Variants in KMO observed in about 807,000 individuals in gnomAD.
The protein encoded by KMO is kynurenine 3-hydroxylase.
A neutral mutation model predicts 57.8 loss-of-function variants in KMO; 24 were observed. The ratio of observed to expected loss-of-function variants is 0.42; its 90% CI spans 0.30 to 0.58. The LOEUF (loss-of-function observed/expected upper bound fraction) is 0.58. Ranked by LOEUF, KMO falls within the 20% of genes least tolerant of loss-of-function variation. The pLI, the probability that KMO is intolerant of heterozygous loss-of-function variation, is 0.22. For missense variants in KMO, 483 were observed against 588.2 expected, an observed-to-expected ratio of 0.82 and a Z score of 1.85; for synonymous variants, 210 against 193.6, an observed-to-expected ratio of 1.08 and a Z score of -0.70.
chr1:241,550,236 AAT>A (rs1209541871), intron 3 of KMO: 1 of 153,376 alleles, frequency 6.5e-6, no homozygotes, highest in Non-Finnish European at 1.5e-5. Flanking sequence ...ATTTAGCATA[AAT>A]ATGTTTTGCT....
At chr1:241,548,804 T>G (rs377396383) in intron 1 of KMO, 25 bp from the exon 2 acceptor site, 45 of 1,427,798 alleles carry the variant, frequency 3.2e-5, no homozygotes, top group Non-Finnish European at 4.1e-5. Flanking sequence ...ATCAGATAAA[T>G]ATTTAATTTT....
At chr1:241,554,835 A>T (rs1661551536) in intron 4 of KMO, among the ~76,000 whole-genome samples, 1 of 141,390 alleles carries the variant, frequency 7.1e-6, no homozygotes, top group Admixed American at 7.0e-5. Context: ...AAAAAAAATT[A>T]GCTGAGTGTG....
Position 241,594,218 on chromosome 1 carries a change from C to G in KMO, c.*2065C>G. On this transcript the variant is annotated 3_prime_UTR_variant, in exon 15 of 15. Transcript: ENST00000366559. ...CATCGTGTGCCACAAGTGGTTTTTT[C>G]ATTATGTAAAGCACCCGTTGAATTA... The G allele has an allele frequency of 2.2e-6, 1 of 462,908 alleles. No individual in the cohort carries two copies. The allele number at this position is 462,908 out of a possible 1,614,324, so 28.7% of individuals were successfully genotyped here.
chr1:241,533,050 A>G (rs1660630891), intron 1 of KMO, among the ~76,000 whole-genome samples: 1 of 152,242 alleles, frequency 6.6e-6, no homozygotes, highest in Admixed American at 6.5e-5. Flanking sequence ...CACCTAAGAC[A>G]GTGGAGTGAG....
At chr1:241,532,521 C>T in intron 1 of KMO, 23 bp downstream of exon 1, 1 of 1,562,894 alleles carries the variant, frequency 6.4e-7, no homozygotes, top group Non-Finnish European at 8.8e-7. Context: ...AGATGGATTA[C>T]TATTGTTGGT....
chr1:241,534,263 G>T (rs1660678400), intron 1 of KMO, among the ~76,000 whole-genome samples: 2 of 152,182 alleles, frequency 1.3e-5, no homozygotes, highest in Non-Finnish European at 2.9e-5. Flanking sequence ...TTGGACTAAG[G>T]TGGCAGCAGT....
intron 11 of KMO, among the ~76,000 whole-genome samples, chr1:241,587,624 A>G (rs1053920341): frequency 6.6e-6 from 1 of 152,032 alleles, no homozygotes; most frequent in Non-Finnish European, 1.5e-5. Flanking sequence ...TTGTATTTTT[A>G]GTAGAGACGG....
chr1:241,559,042 G>C (rs1176597532), intron 5 of KMO, among the ~76,000 whole-genome samples: 1 of 151,666 alleles, frequency 6.6e-6, no homozygotes, highest in African/African-American at 2.4e-5. Flanking sequence ...GGAGGCTGCA[G>C]TGAGCTGAGA....
At chr1:241,563,045 A>G (rs1661937041) in intron 7 of KMO, among the ~76,000 whole-genome samples, 1 of 152,208 alleles carries the variant, frequency 6.6e-6, no homozygotes, top group South Asian at 2.1e-4. Flanking sequence ...GGGAGAAAAA[A>G]ACAGGTTGAT....
chr1:241,551,965 G>A (rs12083705), intron 4 of KMO, among the ~76,000 whole-genome samples: 17,769 of 151,928 alleles, frequency 0.12, 1,450 homozygotes, highest in African/African-American at 0.24. Context: ...TGAAATCAAC[G>A]TAATCGTCTC....
At chr1:241,579,968 G>A (rs144633806) in intron 10 of KMO, among the ~76,000 whole-genome samples, 126 of 152,266 alleles carry the variant, frequency 8.3e-4, no homozygotes, top group African/African-American at 2.9e-3. Context: ...TCTTCCAGCT[G>A]CTGCTCCTGC....
intron 10 of KMO, among the ~76,000 whole-genome samples, chr1:241,573,029 C>G (rs1662362533): frequency 6.6e-6 from 1 of 152,110 alleles, no homozygotes; most frequent in Non-Finnish European, 1.5e-5. Flanking sequence ...TCTTTATGCA[C>G]TCATTGGTCA....
chr1:241,540,786 G>A (rs1355826265), intron 1 of KMO, among the ~76,000 whole-genome samples: 1 of 152,142 alleles, frequency 6.6e-6, no homozygotes, highest in East Asian at 1.9e-4. Context: ...ATTAGTGATT[G>A]GGCATGATGG....
At chr1:241,572,249 G>A (rs1490765335) in intron 10 of KMO, among the ~76,000 whole-genome samples, 1 of 152,022 alleles carries the variant, frequency 6.6e-6, no homozygotes, top group East Asian at 1.9e-4. Context: ...GAAACTTTTT[G>A]TTACTGCTTC....
At chr1:241,591,768 G>A (rs1023938354) in intron 14 of KMO, among the ~76,000 whole-genome samples, 185 bp from the exon 15 acceptor site, 1 of 152,124 alleles carries the variant, frequency 6.6e-6, no homozygotes, top group African/African-American at 2.4e-5. Flanking sequence ...GGAGAAGGGA[G>A]GCTCCCAATC....
In KMO at chr1:241,542,021, A is replaced by G. The variant is rs569226347; in HGVS notation, c.55-6808A>G. ...ATCAGATTAATTTCAAATATATTAT[A>G]TCAAAAGACATAAAATGTACGGAAT... On this transcript the variant is annotated intron_variant, in intron 1 of 14. Transcript: ENST00000366559. 2.0e-4 allele frequency among the ~76,000 whole-genome samples: 30 copies of G among 152,348 alleles called. 1 individual carries two copies. In the South Asian group the frequency reaches 6.0e-3, roughly 30 times the overall value.
chr1:241,547,577 C>CT (rs1661195827), intron 1 of KMO, among the ~76,000 whole-genome samples: 5 of 148,190 alleles, frequency 3.4e-5, no homozygotes. Context: ...GAGCGAGACT[C>CT]TGTCTCAAAA....
chr1:241,568,959 C>T (rs555339193), intron 10 of KMO, among the ~76,000 whole-genome samples: 5 of 152,164 alleles, frequency 3.3e-5, no homozygotes, highest in Admixed American at 2.0e-4. Flanking sequence ...TGTAAAATGG[C>T]ATAGTTTTTG....
chr1:241,566,560 G>A lies in KMO; in HGVS notation c.757G>A (p.Val253Met), dbSNP rs752723497. The change falls in exon 9 of 15, where the codon GTG (valine) becomes ATG (methionine). Residue 253 changes from valine (V) to methionine (M), a missense_variant. Around this residue, in one of 3 missense-constraint regions of KMO, gnomAD observed 410 missense variants for 492.3 expected, o/e 0.83. Transcript: ENST00000366559. ...TGAAAAACTTCTAACCAGTAATGAT[G>A]TGGTAGATTTCTTCCAGAAATACTT... is the stretch of plus-strand genomic sequence containing the variant. ...EFEKLLTSND[V>M]VDFFQKYFPD... 9.8e-5 allele frequency: 158 copies of A among 1,613,360 alleles called. No homozygotes were observed. Among genetic ancestry groups the A allele is most frequent in the Non-Finnish European group, 1.3e-4 (152 of 1,179,458 alleles).
Sources: gnomAD v4.1 joint callset for allele counts (sites outside exome capture counted in the v4.1 genomes callset) on GRCh38, gnomAD v4.1.1 for gene constraint, gnomAD v4.1.1 regional missense constraint, MANE v1.5 for transcripts, NCBI Gene and HGNC (gene_info 2026-07-23, HGNC 2026-07-21) for gene names.